The following SLC35F1 variants were observed in gnomAD, a reference collection of about 807,000 sequenced individuals.
SLC35F1 encodes solute carrier family 35 member F1.
Under a neutral mutation model 48.7 loss-of-function variants are expected in SLC35F1, and 14 were observed. The observed-to-expected ratio is 0.29, with a 90% CI of 0.19 to 0.45. The LOEUF is 0.45. Among genes scored for constraint, SLC35F1 ranks in the 20% least tolerant of loss-of-function variants. The pLI, the probability that SLC35F1 is intolerant of heterozygous loss-of-function variation, is 1.00. For missense variants in SLC35F1, 404 were observed against 500.0 expected (o/e 0.81, Z 1.83); for synonymous variants, 190 against 202.2 (o/e 0.94, Z 0.51).
intron 1 of SLC35F1, among the ~76,000 whole-genome samples, chr6:117,934,772 C>G (rs1776144120): frequency 6.6e-6 from 1 of 152,128 alleles, no homozygotes. Flanking sequence ...CGGTAAGATA[C>G]AGAGTTCAGT....
Position 118,211,662 on chromosome 6 carries a change from T to C in SLC35F1, c.350-23847T>C, listed in dbSNP as rs1230474992. Among the ~76,000 whole-genome samples the C allele has an allele frequency of 2.0e-5, 3 of 152,208 alleles. No homozygotes were observed. In the South Asian group the frequency reaches 6.2e-4, roughly 31 times the overall value. ...TGCCAAGAATACCAAGAACATGTCA[T>C]GCTGACTATAGCATTTTAATATTTT... On this transcript the variant is annotated intron_variant, in intron 2 of 7. Transcript: ENST00000360388.
At chr6:118,125,524 G>C (rs949698442) in intron 1 of SLC35F1, among the ~76,000 whole-genome samples, 1 of 152,180 alleles carries the variant, frequency 6.6e-6, no homozygotes, top group Admixed American at 6.5e-5. Flanking sequence ...AACTGGCCCT[G>C]TTTATTTGTG....
Position 118,315,936 on chromosome 6 carries a change from T to G in SLC35F1, c.*1684T>G, listed in dbSNP as rs913401225. 5 of 152,232 alleles carry G rather than the reference T, an allele frequency of 3.3e-5. No individual in the cohort carries two copies. Among genetic ancestry groups the G allele is most frequent in the Admixed American group, 2.0e-4 (3 of 15,284 alleles). 9.4% of individuals were successfully genotyped at this position (152,232 alleles called of 1,614,324 possible). ...ATGTACTCTTTTAGTTTGACTGACT[T>G]CAATACCATTCAAAAAGATCCTCAA... On this transcript the variant is annotated 3_prime_UTR_variant, in exon 8 of 8. Coordinates refer to ENST00000360388, the MANE Select transcript of SLC35F1 (RefSeq NM_001029858.4).
rs979887993 is a variant in SLC35F1 at position 117,907,782 on chromosome 6, C to G, written c.56C>G (p.Pro19Arg). 3.8e-6 allele frequency: 6 copies of G among 1,561,524 alleles called. No individual in the cohort carries two copies. The highest frequency in any genetic ancestry group is 1.4e-5 in the African/African-American group (1 of 70,816). Residue 19 changes from proline to arginine, a missense_variant, in exon 1 of 8, where the codon CCG becomes CGG. By Grantham distance (103) the Pro-to-Arg change is moderately radical. Coordinates refer to ENST00000360388, the MANE Select transcript of SLC35F1 (RefSeq NM_001029858.4). ...QQLQPPSPAP[P>R]NHVVTTIENL... ...CTGCAGCCGCCGTCGCCAGCCCCGC[C>G]GAACCATGTGGTGACCACCATCGAG...
intron 1 of SLC35F1, among the ~76,000 whole-genome samples, chr6:117,921,079 CACACACACACACTT>C (rs909022206): frequency 1.5e-5 from 2 of 131,598 alleles, no homozygotes; most frequent in Middle Eastern, 4.0e-3. Context: ...CACACACACA[CACACACACACACTT>C]ACTTAGACTG....
At chr6:118,003,097 G>C (rs1328160382) in intron 1 of SLC35F1, among the ~76,000 whole-genome samples, 2 of 152,132 alleles carry the variant, frequency 1.3e-5, no homozygotes, top group Middle Eastern at 3.2e-3. Context: ...TGAATGAACT[G>C]ACAATAAGTG....
At chr6:118,145,402 A>G (rs928118248) in intron 1 of SLC35F1, among the ~76,000 whole-genome samples, 3 of 152,250 alleles carry the variant, frequency 2.0e-5, no homozygotes, top group Non-Finnish European at 4.4e-5. Context: ...TTGCAAAGAA[A>G]TAGTATTGTT....
chr6:118,173,637 T>C (rs1774443247), intron 2 of SLC35F1, among the ~76,000 whole-genome samples: 1 of 152,112 alleles, frequency 6.6e-6, no homozygotes, highest in Non-Finnish European at 1.5e-5. Context: ...CAGTCATCCT[T>C]TGCAGACGAA....
intron 2 of SLC35F1, among the ~76,000 whole-genome samples, chr6:118,191,424 G>C (rs951040663): frequency 6.6e-6 from 1 of 152,184 alleles, no homozygotes; most frequent in Non-Finnish European, 1.5e-5. Context: ...TGATTGTAGA[G>C]AAGTCTTGAT....
intron 1 of SLC35F1, among the ~76,000 whole-genome samples, chr6:117,975,024 C>A (rs556864541): frequency 6.6e-6 from 1 of 152,284 alleles, no homozygotes; most frequent in East Asian, 1.9e-4. Flanking sequence ...TTGAAAGGAT[C>A]TTAGGGATTT....
intron 7 of SLC35F1, among the ~76,000 whole-genome samples, chr6:118,306,008 A>G (rs1046275358): frequency 1.3e-5 from 2 of 152,142 alleles, no homozygotes; most frequent in African/African-American, 4.8e-5. Flanking sequence ...TGATAATCCT[A>G]AGAGATGCCC....
chr6:118,008,123 G>A (rs1777198407), intron 1 of SLC35F1, among the ~76,000 whole-genome samples: 1 of 151,980 alleles, frequency 6.6e-6, no homozygotes, highest in Non-Finnish European at 1.5e-5. Context: ...TTCTATAATC[G>A]TAAGCTAGAT....
chr6:118,277,406 A>T (rs927312738), intron 5 of SLC35F1, 88 bp from the exon 6 acceptor site: 4 of 1,195,508 alleles, frequency 3.3e-6, no homozygotes, highest in Non-Finnish European at 4.9e-6. Context: ...ATTTGTATAC[A>T]TCTGATAAGT....
intron 2 of SLC35F1, among the ~76,000 whole-genome samples, chr6:118,228,380 A>G (rs2114573457): frequency 6.6e-6 from 1 of 152,230 alleles, no homozygotes; most frequent in East Asian, 1.9e-4. Flanking sequence ...TATGTCCATC[A>G]TAAGTCATAC....
At chr6:118,096,380 T>A (rs1360488724) in intron 1 of SLC35F1, among the ~76,000 whole-genome samples, 2 of 152,168 alleles carry the variant, frequency 1.3e-5, no homozygotes, top group Non-Finnish European at 2.9e-5. Context: ...GTAAAGCCAC[T>A]TGTGAAAAAA....
At chr6:118,210,937 G>A (rs1006597549) in intron 2 of SLC35F1, among the ~76,000 whole-genome samples, 1 of 152,154 alleles carries the variant, frequency 6.6e-6, no homozygotes, top group Non-Finnish European at 1.5e-5. Context: ...ATCTCAGAAT[G>A]TGACTGTATT....
At chr6:118,147,583 A>T (rs760667083) in intron 1 of SLC35F1, among the ~76,000 whole-genome samples, 3 of 152,140 alleles carry the variant, frequency 2.0e-5, no homozygotes, top group Non-Finnish European at 2.9e-5. Context: ...CCAGAGTGAG[A>T]GATATGCGCA....
chr6:118,020,612 T>C (rs915554585), intron 1 of SLC35F1, among the ~76,000 whole-genome samples: 2 of 152,182 alleles, frequency 1.3e-5, no homozygotes, highest in African/African-American at 4.8e-5. Context: ...TTGGAAGAAT[T>C]ATTGATTTCT....
intron 1 of SLC35F1, among the ~76,000 whole-genome samples, chr6:118,120,621 A>C (rs1265381467): frequency 6.6e-6 from 1 of 152,150 alleles, no homozygotes; most frequent in Non-Finnish European, 1.5e-5. Flanking sequence ...CCTTTTCTCA[A>C]GATAATTCAA....
Sources: gnomAD v4.1 joint callset for allele counts (sites outside exome capture counted in the v4.1 genomes callset) on GRCh38, gnomAD v4.1.1 for gene constraint, MANE v1.5 for transcripts, NCBI Gene and HGNC (gene_info 2026-07-23, HGNC 2026-07-21) for gene names.